The following ELP3 variants were observed in gnomAD, a reference collection of about 807,000 sequenced individuals.
The protein encoded by ELP3 is elongator complex protein 3.
Under a neutral mutation model 74.9 loss-of-function variants are expected in ELP3, and 56 were observed. The ratio of observed to expected loss-of-function variants is 0.75; its 90% CI spans 0.60 to 0.93. The LOEUF is 0.93. ELP3 is among the 40% of genes least tolerant of loss of function. The pLI, the probability that ELP3 is intolerant of heterozygous loss-of-function variation, is 0.00. For synonymous variants in ELP3, 222 were observed against 239.8 expected, an observed-to-expected ratio of 0.93 and a Z score of 0.68; for missense variants, 573 against 686.5, an observed-to-expected ratio of 0.83 and a Z score of 1.85.
chr8:28,177,913 A>G (rs1814827943), intron 14 of ELP3, among the ~76,000 whole-genome samples: 1 of 152,252 alleles, frequency 6.6e-6, no homozygotes, highest in African/African-American at 2.4e-5. Flanking sequence ...ACATCACATT[A>G]ATAATTCCAC....
chr8:28,127,396 A>T (rs1223781327), intron 7 of ELP3, among the ~76,000 whole-genome samples: 1 of 152,182 alleles, frequency 6.6e-6, no homozygotes, highest in African/African-American at 2.4e-5. Context: ...CAGGTTTTTT[A>T]AAAATACCAG....
chr8:28,108,737 G>A (rs1007059624), intron 5 of ELP3, among the ~76,000 whole-genome samples: 20 of 152,252 alleles, frequency 1.3e-4, no homozygotes, highest in Middle Eastern at 3.4e-3. Context: ...GATTACAGGC[G>A]TTAGCCACTG....
chr8:28,185,207 T>C (rs2130619706), intron 14 of ELP3, among the ~76,000 whole-genome samples: 1 of 152,310 alleles, frequency 6.6e-6, no homozygotes, highest in East Asian at 1.9e-4. Context: ...GAGATAATAA[T>C]ATAAGTCAGG....
chr8:28,154,362 A>C (rs78650249), intron 10 of ELP3, among the ~76,000 whole-genome samples: 1,551 of 152,306 alleles, frequency 0.01, 27 homozygotes, highest in African/African-American at 0.035. Context: ...ATCATGAATA[A>C]CAAGAATTAA....
intron 14 of ELP3, chr8:28,183,068 A>G (rs1160517704): frequency 2.2e-6 from 1 of 452,242 alleles, no homozygotes; most frequent in East Asian, 6.9e-5. Context: ...TCTGCCTTTA[A>G]TGTAACCCCT....
At chr8:28,114,847 T>G (rs942335260) in intron 7 of ELP3, among the ~76,000 whole-genome samples, 1 of 152,180 alleles carries the variant, frequency 6.6e-6, no homozygotes, top group Non-Finnish European at 1.5e-5. Flanking sequence ...AAGTGGCAAG[T>G]TCTGGTTAAC....
At chr8:28,161,701 A>G (rs950743212) in intron 13 of ELP3, among the ~76,000 whole-genome samples, 6 of 152,018 alleles carry the variant, frequency 3.9e-5, no homozygotes, top group African/African-American at 1.2e-4. Flanking sequence ...CCTAGAACCC[A>G]CCTAAAAAGA....
Position 28,162,011 on chromosome 8 carries a change from G to A in ELP3, c.1500G>A (p.Leu500=). 1.2e-6 allele frequency: 2 copies of A among 1,614,156 alleles called. No homozygotes were observed. The highest frequency in any genetic ancestry group is 1.7e-6 in the Non-Finnish European group (2 of 1,179,998). ...GCTCCGTGCAGGGATTTGGCATGCT[G>A]CTGATGGAGGAAGCAGAAAGAATAG... ...TKFQHQGFGM[L]LMEEAERIAR... is the part of the protein sequence containing the mutation. Residue 500 remains leucine, a synonymous_variant, in exon 14 of 15, where the codon CTG becomes CTA. Transcript: ENST00000256398.
intron 14 of ELP3, among the ~76,000 whole-genome samples, chr8:28,164,968 T>G (rs1814249798): frequency 6.6e-6 from 1 of 152,144 alleles, no homozygotes; most frequent in Non-Finnish European, 1.5e-5. Context: ...AATCTCTTTA[T>G]GACCGTGCTG....
intron 1 of ELP3, among the ~76,000 whole-genome samples, chr8:28,094,010 T>C (rs962231613): frequency 6.6e-6 from 1 of 152,224 alleles, no homozygotes; most frequent in Non-Finnish European, 1.5e-5. Context: ...TCAAAAAACA[T>C]AAAATGAAAA....
intron 10 of ELP3, among the ~76,000 whole-genome samples, chr8:28,138,632 C>T (rs1425406055): frequency 1.3e-5 from 2 of 152,198 alleles, no homozygotes; most frequent in East Asian, 3.8e-4. Context: ...AAATGCATTA[C>T]AATCAGCTGC....
chr8:28,184,207 G>A (rs1218450616), intron 14 of ELP3, among the ~76,000 whole-genome samples: 1 of 152,164 alleles, frequency 6.6e-6, no homozygotes, highest in Non-Finnish European at 1.5e-5. Context: ...AGCTCTTTAG[G>A]TGAGCAGAGG....
intron 10 of ELP3, among the ~76,000 whole-genome samples, chr8:28,141,106 C>T (rs1813219699): frequency 6.6e-6 from 1 of 152,176 alleles, no homozygotes; most frequent in South Asian, 2.1e-4. Context: ...GAACCAACTA[C>T]CGACTGTACA....
In ELP3 at chr8:28,093,541, C is replaced by G. The variant is rs148796073; in HGVS notation, c.19+308C>G. 1.1e-3 allele frequency: 466 copies of G among 442,390 alleles called. 2 individuals carry two copies. The highest frequency in any genetic ancestry group is 8.5e-3 in the African/African-American group (420 of 49,342). 27.4% of individuals were successfully genotyped at this position (442,390 alleles called of 1,614,324 possible). A position where few individuals can be genotyped will look rare whatever the true frequency, so the allele number is the denominator to read the frequency against. ...AACGTCGATTTAACGGGTTGTAGGACTTTTCATTTGTTAAGATTTGTTTCA... is the reference window on the plus strand; with the variant it reads ...AACGTCGATTTAACGGGTTGTAGGAGTTTTCATTTGTTAAGATTTGTTTCA... On this transcript the variant is annotated intron_variant, in intron 1 of 14. Transcript: ENST00000256398.
chr8:28,101,678 C>T (rs1446103682), intron 3 of ELP3, among the ~76,000 whole-genome samples: 2 of 151,960 alleles, frequency 1.3e-5, no homozygotes, highest in Non-Finnish European at 2.9e-5. Context: ...CAACTTCTGC[C>T]TCCCAGGTTC....
At chr8:28,170,131 A>G (rs890979211) in intron 14 of ELP3, among the ~76,000 whole-genome samples, 3 of 152,168 alleles carry the variant, frequency 2.0e-5, no homozygotes, top group Non-Finnish European at 4.4e-5. Flanking sequence ...ACTGCCTACC[A>G]CAATGTATCT....
intron 1 of ELP3, among the ~76,000 whole-genome samples, chr8:28,093,988 G>C (rs1034075426): frequency 6.6e-6 from 1 of 152,196 alleles, no homozygotes; most frequent in Admixed American, 6.5e-5. Flanking sequence ...TGGTCAGGCT[G>C]TATCTGTGAC....
intron 14 of ELP3, among the ~76,000 whole-genome samples, chr8:28,170,233 A>C (rs1814466733): frequency 6.6e-6 from 1 of 152,210 alleles, no homozygotes; most frequent in African/African-American, 2.4e-5. Context: ...GAAGGCAGCC[A>C]TCTTTGGATG....
chr8:28,172,995 G>T (rs1814593109), intron 14 of ELP3, among the ~76,000 whole-genome samples: 1 of 151,944 alleles, frequency 6.6e-6, no homozygotes, highest in African/African-American at 2.4e-5. Flanking sequence ...CTTGGTTGTG[G>T]TATATAATCC....
Sources: gnomAD v4.1 joint callset for allele counts (sites outside exome capture counted in the v4.1 genomes callset) on GRCh38, gnomAD v4.1.1 for gene constraint, MANE v1.5 for transcripts, NCBI Gene and HGNC (gene_info 2026-07-23, HGNC 2026-07-21) for gene names.